Variants in AGMO observed in about 807,000 individuals in gnomAD.
AGMO encodes glyceryl-ether monooxygenase.
AGMO carries 75 observed loss-of-function variants against 60.2 expected under a neutral mutation model. The observed-to-expected ratio is 1.25, with a 90% CI of 1.03 to 1.51. The LOEUF (loss-of-function observed/expected upper bound fraction) is 1.51. Among genes scored for constraint, AGMO ranks in the 40% most tolerant of loss-of-function variants. The pLI is 0.00. For missense variants in AGMO, 763 were observed against 525.5 expected (o/e 1.45, Z -4.42); for synonymous variants, 261 against 177.1 (o/e 1.47, Z -3.76).
At chr7:15,265,933 A>T (rs929997644) in intron 12 of AGMO, among the ~76,000 whole-genome samples, 4 of 152,162 alleles carry the variant, frequency 2.6e-5, no homozygotes, top group African/African-American at 9.6e-5. Flanking sequence ...CACATACAAT[A>T]GAATATTATT....
At chr7:15,559,386 T>G (rs1021542743) in intron 2 of AGMO, among the ~76,000 whole-genome samples, 2 of 152,118 alleles carry the variant, frequency 1.3e-5, no homozygotes, top group African/African-American at 2.4e-5. Context: ...AGTGTAGGAA[T>G]GCAGGAATGC....
At chr7:15,487,740 T>TG (rs769657758) in intron 3 of AGMO, among the ~76,000 whole-genome samples, 2 of 151,840 alleles carry the variant, frequency 1.3e-5, no homozygotes, top group African/African-American at 4.9e-5. Flanking sequence ...TCTGATATTT[T>TG]GGGGAAAAAA....
At chr7:15,349,491 C>T (rs1211222558) in intron 12 of AGMO, among the ~76,000 whole-genome samples, 5 of 152,038 alleles carry the variant, frequency 3.3e-5, no homozygotes, top group African/African-American at 2.4e-5. Context: ...CTATTCCCTC[C>T]GTTTTGTTTC....
At chr7:15,304,767 C>T (rs1436200722) in intron 12 of AGMO, among the ~76,000 whole-genome samples, 1 of 151,930 alleles carries the variant, frequency 6.6e-6, no homozygotes, top group Admixed American at 6.6e-5. Flanking sequence ...AAATTGTCAA[C>T]TAAAAAATAC....
chr7:15,206,176 G>T (rs1468256652), intron 12 of AGMO, among the ~76,000 whole-genome samples: 1 of 151,994 alleles, frequency 6.6e-6, no homozygotes, highest in African/African-American at 2.4e-5. Flanking sequence ...AATGGAACTA[G>T]AATATAAATT....
intron 3 of AGMO, among the ~76,000 whole-genome samples, chr7:15,456,098 T>C (rs557802732): frequency 6.6e-6 from 1 of 152,234 alleles, no homozygotes; most frequent in South Asian, 2.1e-4. Flanking sequence ...GTTATTTCCA[T>C]TTAAAAATTC....
chr7:15,454,285 T>C (rs1781938481), intron 3 of AGMO, among the ~76,000 whole-genome samples: 1 of 152,026 alleles, frequency 6.6e-6, no homozygotes, highest in African/African-American at 2.4e-5. Flanking sequence ...ACTTGAAATT[T>C]GCTTGCTTTT....
chr7:15,235,887 T>C (rs1782403779), intron 12 of AGMO, among the ~76,000 whole-genome samples: 1 of 152,152 alleles, frequency 6.6e-6, no homozygotes, highest in African/African-American at 2.4e-5. Context: ...CATTTTCTTT[T>C]TAAGAATAAA....
chr7:15,208,810 G>A (rs2115473940), intron 12 of AGMO, among the ~76,000 whole-genome samples: 1 of 152,222 alleles, frequency 6.6e-6, no homozygotes, highest in South Asian at 2.1e-4. Context: ...GCACAAAATT[G>A]TTTGCCTCAT....
the AGMO span, among the ~76,000 whole-genome samples, chr7:15,181,387 T>A: frequency 6.6e-6 from 1 of 152,188 alleles, no homozygotes; most frequent in Admixed American, 6.5e-5. Flanking sequence ...TACTTCCTCC[T>A]GAGCTAGAGC....
At chr7:15,425,952 C>T (rs1039649936) in intron 4 of AGMO, among the ~76,000 whole-genome samples, 1 of 152,128 alleles carries the variant, frequency 6.6e-6, no homozygotes, top group African/African-American at 2.4e-5. Flanking sequence ...ATTTATTATG[C>T]TTTTGAGAGA....
the AGMO span, among the ~76,000 whole-genome samples, chr7:15,141,872 A>T: frequency 6.6e-6 from 1 of 152,172 alleles, no homozygotes; most frequent in Non-Finnish European, 1.5e-5. Context: ...CTGAGCTAGG[A>T]TTCTCACTCT....
At chr7:15,249,495 A>AT (rs1334910062) in intron 12 of AGMO, among the ~76,000 whole-genome samples, 1 of 152,226 alleles carries the variant, frequency 6.6e-6, no homozygotes, top group Non-Finnish European at 1.5e-5. Context: ...CTGCTATCCC[A>AT]TATCTCTTGT....
At position 15,354,416 on chromosome 7, in the gene AGMO, G is replaced by GTA. The variant is rs1563105422; in HGVS notation, c.1263+11097_1263+11098insTA. 5.1e-4 allele frequency among the ~76,000 whole-genome samples: 10 copies of GTA among 19,760 alleles called. 2 individuals are homozygous for GTA. Among genetic ancestry groups the GTA allele is most frequent in the African/African-American group, 4.5e-3 (8 of 1,770 alleles). 13.0% of individuals were successfully genotyped at this position (19,760 alleles called of 152,430 possible). ...TATACACGTGTGTGTACACACGTGT[G>GTA]TGTATACACACACGTGTGTGTATAC... On this transcript the variant is annotated intron_variant, in intron 12 of 12. Transcript: ENST00000342526.
chr7:15,378,316 A>T (rs989607643), intron 10 of AGMO, among the ~76,000 whole-genome samples: 2 of 152,064 alleles, frequency 1.3e-5, no homozygotes, highest in African/African-American at 4.8e-5. Context: ...GCACAAAATA[A>T]ATATATATGG....
At chr7:15,474,477 A>C (rs1782538813) in intron 3 of AGMO, among the ~76,000 whole-genome samples, 1 of 152,074 alleles carries the variant, frequency 6.6e-6, no homozygotes, top group African/African-American at 2.4e-5. Context: ...CTGGTGTCGG[A>C]AAAACTGGAT....
At chr7:15,357,494 G>A (rs1388542218) in intron 12 of AGMO, among the ~76,000 whole-genome samples, 1 of 152,048 alleles carries the variant, frequency 6.6e-6, no homozygotes, top group Admixed American at 6.6e-5. Context: ...TGATCTTACT[G>A]CTCTTCAAAT....
rs897584784 is a variant in AGMO, at chr7:15,202,060, CT to C, written c.1264-702del. On this transcript the variant is annotated intron_variant, in intron 12 of 12. Transcript: ENST00000342526. ...ACCGACAATTAAAACTATAGGATTG[CT>C]TTCCTGATCACCATTTTAGGTGGTT... Among the ~76,000 whole-genome samples the C allele has an allele frequency of 2.6e-4, 40 of 152,186 alleles. 1 individual carries two copies. The highest frequency in any genetic ancestry group is 1.7e-3 in the South Asian group (8 of 4,824).
rs187157442 is a variant in AGMO at position 15,372,155 on chromosome 7, A to G, written c.1075-5933T>C. 1.0e-3 allele frequency among the ~76,000 whole-genome samples: 105 copies of G among 101,826 alleles called. No homozygotes were observed. The East Asian group carries it at 0.019, about 19-fold the overall frequency. The allele number at this position is 101,826 out of a possible 152,430, so 66.8% of individuals were successfully genotyped here. A position where few individuals can be genotyped will look rare whatever the true frequency, so the allele number is the denominator to read the frequency against. ...GGGAGATAATCAGTTGAACGTCTCT[A>G]AAGTCTAACATGCGGCTGGGTGTGG... On this transcript the variant is annotated intron_variant, in intron 10 of 12. Transcript: ENST00000342526.
Sources: gnomAD v4.1 joint callset for allele counts (sites outside exome capture counted in the v4.1 genomes callset) on GRCh38, gnomAD v4.1.1 for gene constraint, MANE v1.5 for transcripts, NCBI Gene and HGNC (gene_info 2026-07-23, HGNC 2026-07-21) for gene names.